PSMG2: variants seen among roughly 807,000 people sequenced by gnomAD.
The protein encoded by PSMG2 is proteasome assembly chaperone 2.
PSMG2 carries 21 observed loss-of-function variants against 31.5 expected under a neutral mutation model. The observed-to-expected ratio is 0.67, with a 90% CI of 0.47 to 0.96. The LOEUF is 0.96. Ranked by LOEUF, PSMG2 falls within the 40% of genes least tolerant of loss-of-function variation. PSMG2 has a pLI of 0.00. For missense variants in PSMG2, 318 were observed against 321.2 expected (o/e 0.99, Z 0.08); for synonymous variants, 120 against 110.4 (o/e 1.09, Z -0.54).
At chr18:12,697,091 A>G (rs536523240) in intron 1 of PSMG2, 4 of 624,974 alleles carry the variant, frequency 6.4e-6, no homozygotes, top group East Asian at 2.9e-5. Context: ...CTGAGGTCCA[A>G]TTGTAACTCT....
intron 3 of PSMG2, among the ~76,000 whole-genome samples, chr18:12,716,177 C>A (rs925328952): frequency 2.0e-5 from 3 of 152,144 alleles, no homozygotes; most frequent in Non-Finnish European, 4.4e-5. Flanking sequence ...CAGTTTGAGA[C>A]TATCATGAAT....
At chr18:12,677,458 CAAAAAAAA>C (rs71174127) in intron 1 of PSMG2, among the ~76,000 whole-genome samples, 12 of 53,938 alleles carry the variant, frequency 2.2e-4, no homozygotes, top group East Asian at 8.6e-4. Flanking sequence ...GATTCCATCT[CAAAAAAAA>C]AAAAAAAAAA....
intron 1 of PSMG2, among the ~76,000 whole-genome samples, chr18:12,693,403 G>C (rs2039835882): frequency 6.6e-6 from 1 of 151,866 alleles, no homozygotes; most frequent in Non-Finnish European, 1.5e-5. Flanking sequence ...AAGCCTGAGA[G>C]AGTGAGATGC....
intron 5 of PSMG2, chr18:12,724,239 C>T: frequency 2.8e-6 from 1 of 359,672 alleles, no homozygotes; most frequent in East Asian, 4.5e-5. Context: ...TCTGCTGTAG[C>T]CAAGGACAGA....
rs28494820 is a variant in PSMG2 at position 12,703,073 on chromosome 18, C to A, written c.-35C>A. ...TTGCTGCCCTCGTTCTTGCCAGGGC[C>A]GCGGTTAGTCCCTGCTGGCCACCCC... On this transcript the variant is annotated 5_prime_UTR_variant, in exon 1 of 7. Transcript: ENST00000317615. The A allele has an allele frequency of 7.0e-5, 112 of 1,605,546 alleles. No individual in the cohort carries two copies. The African/African-American group carries it at 1.4e-3, about 20-fold the overall frequency.
At chr18:12,697,694 A>G (rs2040004823) in intron 1 of PSMG2, among the ~76,000 whole-genome samples, 1 of 151,448 alleles carries the variant, frequency 6.6e-6, no homozygotes, top group Admixed American at 6.6e-5. Context: ...GTACTTAACT[A>G]AAGTATATGC....
chr18:12,673,314 TG>T lies in PSMG2; in HGVS notation c.-37+14542del, dbSNP rs1290599399. 3 of 1,561,026 alleles carry T rather than the reference TG, an allele frequency of 1.9e-6. 1 individual carries two copies. The South Asian group carries it at 3.6e-5, about 19-fold the overall frequency. ...CTCTAAATAGCTAAGTAATGTACAATGTGTAAAATTCCAATTAAACACAGGT... is the reference window on the plus strand; with the variant it reads ...CTCTAAATAGCTAAGTAATGTACAATTGTAAAATTCCAATTAAACACAGGT... On this transcript the variant is annotated intron_variant, in intron 1 of 6. Transcript: ENST00000585331.
intron 1 of PSMG2, chr18:12,685,994 A>G (rs2039527100): frequency 1.8e-5 from 5 of 277,204 alleles, no homozygotes; most frequent in Non-Finnish European, 3.4e-5. Flanking sequence ...AATCACCTCT[A>G]AATTGTTTAA....
intron 1 of PSMG2, among the ~76,000 whole-genome samples, chr18:12,669,402 G>T (rs1449325007): frequency 6.6e-6 from 1 of 151,772 alleles, no homozygotes; most frequent in Non-Finnish European, 1.5e-5. Flanking sequence ...ATGAGCCACC[G>T]CGCCTGGCCC....
chr18:12,701,403 G>A (rs1214030189), upstream of PSMG2, among the ~76,000 whole-genome samples: 1 of 152,136 alleles, frequency 6.6e-6, no homozygotes, highest in Admixed American at 6.5e-5. Flanking sequence ...GGAGTAGGCA[G>A]ATCAAAGTAT....
intron 1 of PSMG2, among the ~76,000 whole-genome samples, chr18:12,705,298 A>G (rs1420898378): frequency 6.6e-5 from 10 of 152,134 alleles, no homozygotes; most frequent in Non-Finnish European, 1.2e-4. Flanking sequence ...TCCTAACCTC[A>G]GGTGATCCAC....
intron 3 of PSMG2, among the ~76,000 whole-genome samples, chr18:12,716,958 T>G (rs2040382448): frequency 6.8e-6 from 1 of 146,512 alleles, no homozygotes; most frequent in Admixed American, 6.8e-5. Flanking sequence ...CTTTTTTTTT[T>G]TTTTTTTTTT....
intron 1 of PSMG2, among the ~76,000 whole-genome samples, chr18:12,662,860 A>G (rs1568002049): frequency 6.6e-6 from 1 of 152,232 alleles, no homozygotes; most frequent in Admixed American, 6.5e-5. Context: ...TGGGTTCATG[A>G]GAGACCCTGG....
In PSMG2 at chr18:12,725,508, G is replaced by A; in HGVS notation, c.772G>A (p.Gly258Ser). The A allele has an allele frequency of 6.2e-7, 1 of 1,601,238 alleles. No homozygotes were observed. The highest frequency in any genetic ancestry group is 8.6e-7 in the Non-Finnish European group (1 of 1,168,874). ...TTCTTGGAGATTACTCTTTGGCAGT[G>A]GTCTTCCCCCTGCACTTTTCTGATC... ...PSSWRLLFGS[G>S]LPPALF The change falls in exon 7 of 7, where the codon GGT (glycine) becomes AGT (serine). Residue 258 changes from glycine (G) to serine (S), a missense_variant. Coordinates refer to ENST00000317615, the MANE Select transcript of PSMG2 (RefSeq NM_020232.5).
chr18:12,665,756 G>A (rs891563684), intron 1 of PSMG2, among the ~76,000 whole-genome samples: 3 of 151,932 alleles, frequency 2.0e-5, no homozygotes, highest in African/African-American at 7.3e-5. Context: ...GGAGTGCATT[G>A]GCACAATCTC....
At chr18:12,720,827 A>G (rs2040423985) in intron 5 of PSMG2, 144 bp downstream of exon 5, 6 of 852,572 alleles carry the variant, frequency 7.0e-6, no homozygotes, top group Non-Finnish European at 1.0e-5. Flanking sequence ...AAAAAAAACA[A>G]AATTAAGTCA....
rs1329812578 is a variant in PSMG2, at chr18:12,723,222, T to C, written c.582-1277T>C. 2.0e-5 allele frequency among the ~76,000 whole-genome samples: 3 copies of C among 152,298 alleles called. No homozygotes were observed. In the East Asian group the frequency reaches 5.8e-4, roughly 29 times the overall value. ...CTCTGTCAGTCTCGTGCTTTCAAGT[T>C]TTGGCATGGCATTTTTCTCATAGTT... On this transcript the variant is annotated intron_variant, in intron 5 of 6. Transcript: ENST00000317615.
intron 1 of PSMG2, chr18:12,673,072 T>C: frequency 9.9e-7 from 1 of 1,013,828 alleles, no homozygotes; most frequent in Non-Finnish European, 1.2e-6. Flanking sequence ...TGAATGCATT[T>C]TATATTAATA....
chr18:12,724,504 C>G lies in PSMG2; in HGVS notation c.587C>G (p.Ser196Cys). 4 of 1,601,654 alleles carry G rather than the reference C, an allele frequency of 2.5e-6. No homozygotes were observed. The highest frequency in any genetic ancestry group is 2.3e-5 in the South Asian group (2 of 88,826). The change falls in exon 6 of 7, where the codon TCT becomes TGT. Residue 196 changes from serine (S) to cysteine (C), a missense_variant. Coordinates refer to ENST00000317615, the MANE Select transcript of PSMG2 (RefSeq NM_020232.5). ...ITKTLYDESCSKEIQMAVLLK... is the reference protein window; with the variant it reads ...ITKTLYDESCCKEIQMAVLLK... Reference sequence around the variant, plus strand: ...CTTATTTTTATTTCTTGTAGCTGTTCTAAAGAAATCCAAATGGCAGTTCTG... The same window carrying G: ...CTTATTTTTATTTCTTGTAGCTGTTGTAAAGAAATCCAAATGGCAGTTCTG...
Sources: gnomAD v4.1 joint callset for allele counts (sites outside exome capture counted in the v4.1 genomes callset) on GRCh38, gnomAD v4.1.1 for gene constraint, MANE v1.5 for transcripts, NCBI Gene and HGNC (gene_info 2026-07-23, HGNC 2026-07-21) for gene names.